The following IDO1 variants were observed in gnomAD, a reference collection of about 807,000 sequenced individuals.
IDO1 encodes the protein indoleamine 2,3-dioxygenase 1.
Under a neutral mutation model 38.8 loss-of-function variants are expected in IDO1, and 35 were observed. The observed-to-expected ratio is 0.90, with a 90% CI of 0.69 to 1.20. IDO1 has a LOEUF of 1.20. IDO1 is among the 50% of genes most tolerant of loss of function. The pLI, the probability that IDO1 is intolerant of heterozygous loss-of-function variation, is 0.00. For synonymous variants in IDO1, 171 were observed against 170.0 expected (o/e 1.01, Z -0.05); for missense variants, 509 against 485.1 (o/e 1.05, Z -0.46).
intron 1 of IDO1, 165 bp downstream of exon 1, chr8:39,914,174 G>T (rs1807139080): frequency 1.8e-6 from 1 of 561,288 alleles, no homozygotes; most frequent in Non-Finnish European, 3.2e-6. Flanking sequence ...CACTTAATTT[G>T]TCTTACATTT....
In IDO1 at chr8:39,923,407, A is replaced by T; in HGVS notation, c.538-62A>T. 8 of 400,226 alleles carry T rather than the reference A, an allele frequency of 2.0e-5. No individual in the cohort carries two copies. In the South Asian group the frequency reaches 2.7e-4, roughly 13 times the overall value. The allele number at this position is 400,226 out of a possible 1,614,324, so 24.8% of individuals were successfully genotyped here. A position where few individuals can be genotyped will look rare whatever the true frequency, so the allele number is the denominator to read the frequency against. ...CAACTGAGCGAGACTCCGTCTCAAA[A>T]AAAAAAAAAAAAAAGAAAGAAAGAA... On this transcript the variant is annotated intron_variant, in intron 6 of 9. Transcript: ENST00000518237.
intron 1 of IDO1, among the ~76,000 whole-genome samples, chr8:39,916,287 C>A (rs1807174128): frequency 6.6e-6 from 1 of 151,940 alleles, no homozygotes; most frequent in Non-Finnish European, 1.5e-5. Context: ...ACCAGCCTGG[C>A]CAACATGGTG....
rs1328698735 is a variant in IDO1 at position 39,913,935 on chromosome 8, A to G, written c.13A>G (p.Met5Val). Residue 5 changes from methionine (M) to valine (V), a missense_variant, in exon 1 of 10, where the codon ATG (methionine) becomes GTG (valine). Physicochemically the swap from Met to Val is conservative, Grantham distance 21 (BLOSUM62 1). Transcript: ENST00000518237. ...GCAGACTACAAGAATGGCACACGCT[A>G]TGGAAAACTCCTGGACAATCAGTAA... MAHA[M>V]ENSWTISKEY... is the part of the protein sequence containing the mutation. 2 of 1,570,826 alleles carry G rather than the reference A, an allele frequency of 1.3e-6. No individual in the cohort carries two copies. The highest frequency in any genetic ancestry group is 1.7e-6 in the Non-Finnish European group (2 of 1,157,754).
At chr8:39,924,872 A>G in intron 8 of IDO1, 100 bp downstream of exon 8, 1 of 863,114 alleles carries the variant, frequency 1.2e-6, no homozygotes, top group South Asian at 1.4e-5. Context: ...TTGGCTAACA[A>G]TTTACATCCA....
chr8:39,918,802 G>A lies in IDO1; in HGVS notation c.304-13G>A, dbSNP rs781497792. 1.3e-5 allele frequency: 15 copies of A among 1,136,900 alleles called. No individual in the cohort carries two copies. The highest frequency in any genetic ancestry group is 8.6e-5 in the South Asian group (7 of 81,782). The allele number at this position is 1,136,900 out of a possible 1,614,324, so 70.4% of individuals were successfully genotyped here. ...AACAACAACAAAAAACCTAACTACTGTATTTTAATCAGGTCTTGCCAAGAA... is the reference window on the plus strand; with the variant it reads ...AACAACAACAAAAAACCTAACTACTATATTTTAATCAGGTCTTGCCAAGAA... On this transcript the variant is annotated splice_polypyrimidine_tract_variant and intron_variant, in intron 3 of 9. Coordinates refer to ENST00000518237, the MANE Select transcript of IDO1 (RefSeq NM_002164.6).
chr8:39,919,626 A>G (rs1440775490), intron 4 of IDO1, among the ~76,000 whole-genome samples: 1 of 152,240 alleles, frequency 6.6e-6, no homozygotes, highest in Non-Finnish European at 1.5e-5. Flanking sequence ...TGGGAATATC[A>G]TAAAATGAAA....
In IDO1 at chr8:39,925,333, T is replaced by C; in HGVS notation, c.818T>C (p.Phe273Ser). The part of the protein sequence containing the change: ...SAGQSSVFQC[F>S]DVLLGIQQTA... ...GGCCAAAGCAGCGTCTTTCAGTGCT[T>C]TGACGTCCTGCTGGGCATCCAGCAG... is the stretch of plus-strand genomic sequence containing the variant. Residue 273 changes from phenylalanine to serine, a missense_variant, in exon 9 of 10, where the codon TTT becomes TCT. Transcript: ENST00000518237. The C allele has an allele frequency of 6.2e-7, 1 of 1,613,154 alleles. No homozygotes were observed. The highest frequency in any genetic ancestry group is 8.5e-7 in the Non-Finnish European group (1 of 1,179,584).
intron 1 of IDO1, among the ~76,000 whole-genome samples, chr8:39,917,640 CT>C (rs1352999096): frequency 6.6e-6 from 1 of 152,186 alleles, no homozygotes; most frequent in Non-Finnish European, 1.5e-5. Flanking sequence ...TTGAGGTGAA[CT>C]TTGAAAAGCT....
chr8:39,919,106 A>G (rs1807230123), intron 4 of IDO1, 173 bp downstream of exon 4: 3 of 741,310 alleles, frequency 4.0e-6, no homozygotes, highest in Non-Finnish European at 7.5e-6. Flanking sequence ...TACCACTACA[A>G]ATGTACACAT....
In IDO1 at chr8:39,923,527, C is replaced by G; in HGVS notation, c.596C>G (p.Ala199Gly). 1 of 1,613,576 alleles carries G rather than the reference C, an allele frequency of 6.2e-7. No homozygotes were observed. Among genetic ancestry groups the G allele is most frequent in the African/African-American group, 1.3e-5 (1 of 75,036 alleles). ...QMQERDTLLK[A>G]LLEIASCLEK... ...CAAGAACGGGACACTTTGCTAAAGG[C>G]GCTGTTGGAAATAGCTTCTTGCTTG... Residue 199 changes from alanine to glycine, a missense_variant, in exon 7 of 10, where the codon GCG becomes GGG. Transcript: ENST00000518237.
At chr8:39,919,616 T>A (rs754437432) in intron 4 of IDO1, among the ~76,000 whole-genome samples, 1 of 152,050 alleles carries the variant, frequency 6.6e-6, no homozygotes, top group Non-Finnish European at 1.5e-5. Flanking sequence ...ATTCTGCAAA[T>A]GGGAATATCA....
rs563985938 is a variant in IDO1, at chr8:39,927,133, TTGC to T, written c.857-694_857-692del. On this transcript the variant is annotated intron_variant, in intron 9 of 9. Transcript: ENST00000518237. ...GGGCACCTGGGTTCATTCCATGTCT[TTGC>T]TGTTGTTGAACACTCATTTAAACAC... is the stretch of plus-strand genomic sequence containing the variant. Among the ~76,000 whole-genome samples, 253 of 152,320 alleles carry T rather than the reference TTGC, an allele frequency of 1.7e-3. 1 individual carries two copies. Among genetic ancestry groups the T allele is most frequent in the African/African-American group, 5.6e-3 (232 of 41,572 alleles).
rs1239894035 is a variant in IDO1, at chr8:39,924,748, G to T, written c.683G>T (p.Ser228Ile). Residue 228 changes from serine (S) to isoleucine (I), a missense_variant, in exon 8 of 10, where the codon AGT becomes ATT. Transcript: ENST00000518237. ...CATGTGAACCCAAAAGCATTTTTCA[G>T]TGTTCTTCGCATATATTTGTCTGGG... is the stretch of plus-strand genomic sequence containing the variant. ...HDHVNPKAFF[S>I]VLRIYLSGWK... 2 of 1,610,486 alleles carry T rather than the reference G, an allele frequency of 1.2e-6. No homozygotes were observed. The highest frequency in any genetic ancestry group is 1.7e-6 in the Non-Finnish European group (2 of 1,177,394).
At chr8:39,916,135 C>T (rs1019815558) in intron 1 of IDO1, among the ~76,000 whole-genome samples, 2 of 151,948 alleles carry the variant, frequency 1.3e-5, no homozygotes, top group African/African-American at 4.8e-5. Context: ...CACCGCACTC[C>T]AGCCTGGGTG....
At chr8:39,922,933 T>C in intron 6 of IDO1, 1 of 381,680 alleles carries the variant, frequency 2.6e-6, no homozygotes, top group Non-Finnish European at 4.7e-6. Context: ...ATAAATTCAA[T>C]AGTTTTGATT....
intron 3 of IDO1, chr8:39,918,561 C>A: frequency 2.1e-6 from 1 of 471,752 alleles, no homozygotes; most frequent in South Asian, 2.4e-5. Context: ...ACTTGGCTAA[C>A]ATAGTGAAAC....
intron 5 of IDO1, 35 bp downstream of exon 5, chr8:39,920,149 A>C: frequency 6.4e-7 from 1 of 1,561,060 alleles, no homozygotes; most frequent in Non-Finnish European, 8.8e-7. Context: ...TCTAAGAATT[A>C]TTTGTTACTT....
In IDO1 at chr8:39,918,834, CT is replaced by C; in HGVS notation, c.324del (p.Val109PhefsTer35). The C allele has an allele frequency of 6.2e-7, 1 of 1,606,500 alleles. No individual in the cohort carries two copies. The highest frequency in any genetic ancestry group is 8.5e-7 in the Non-Finnish European group (1 of 1,174,232). On this transcript the variant is annotated frameshift_variant, in exon 4 of 10. Transcript: ENST00000518237. LOFTEE classifies it high-confidence loss of function. ...DVRKVLPRNI[A>X]VPYCQLSKKL... ...AATCAGGTCTTGCCAAGAAATATTGCTGTTCCTTACTGCCAACTCTCCAAGA... is the reference window on the plus strand; with the variant it reads ...AATCAGGTCTTGCCAAGAAATATTGCGTTCCTTACTGCCAACTCTCCAAGA...
At chr8:39,921,312 G>C (rs1290644310) in intron 5 of IDO1, among the ~76,000 whole-genome samples, 1 of 152,032 alleles carries the variant, frequency 6.6e-6, no homozygotes, top group African/African-American at 2.4e-5. Context: ...AATTAGCGGG[G>C]CATGGTGGCA....
Sources: gnomAD v4.1 joint callset for allele counts (sites outside exome capture counted in the v4.1 genomes callset) on GRCh38, gnomAD v4.1.1 for gene constraint, MANE v1.5 for transcripts, NCBI Gene and HGNC (gene_info 2026-07-23, HGNC 2026-07-21) for gene names.